Variants in MPDZ observed in about 807,000 individuals in gnomAD.
MPDZ encodes the protein multiple PDZ domain crumbs cell polarity complex component.
MPDZ carries 234 observed loss-of-function variants against 239.1 expected under a neutral mutation model. The ratio of observed to expected loss-of-function variants is 0.98; its 90% confidence interval spans 0.88 to 1.09. The LOEUF is 1.09. Among genes scored for constraint, MPDZ ranks in the 50% least tolerant of loss-of-function variants. The pLI, the probability that MPDZ is intolerant of heterozygous loss-of-function variation, is 0.00. For synonymous variants in MPDZ, 1,048 were observed against 881.3 expected (o/e 1.19, Z -3.35); for missense variants, 3,175 against 2,510.0 (o/e 1.26, Z -5.66).
At chr9:13,181,962 G>C (rs956990236) in intron 19 of MPDZ, among the ~76,000 whole-genome samples, 7 of 152,084 alleles carry the variant, frequency 4.6e-5, no homozygotes, top group Non-Finnish European at 5.9e-5. Flanking sequence ...GGTGTGGTGA[G>C]AGAGGAGCAG....
chr9:13,260,231 A>C (rs978107638), intron 1 of MPDZ, among the ~76,000 whole-genome samples: 2 of 152,158 alleles, frequency 1.3e-5, no homozygotes, highest in African/African-American at 2.4e-5. Context: ...ACATACAAAA[A>C]TCAAGAGAAG....
At chr9:13,183,097 C>G (rs994052016) in intron 19 of MPDZ, among the ~76,000 whole-genome samples, 14 of 152,124 alleles carry the variant, frequency 9.2e-5, no homozygotes, top group African/African-American at 3.1e-4. Flanking sequence ...TGTAATTTTT[C>G]CAAAGTATAC....
At position 13,138,053 on chromosome 9, in the gene MPDZ, T is replaced by C; in HGVS notation, c.4104A>G (p.Lys1368=). ...SGLGLSLAGN[K]DRSRMSVFIV... ...TGAAGACACTCATCCTGGATCGGTC[T>C]TTGTTCCCAGCAAGACTTAGGCCCA... The change falls in exon 29 of 47, where the codon AAA becomes AAG. Residue 1368 remains lysine, a synonymous_variant. Transcript: ENST00000319217. 6.2e-7 allele frequency: 1 copy of C among 1,613,890 alleles called. No homozygotes were observed. The highest frequency in any genetic ancestry group is 1.6e-4 in the Middle Eastern group (1 of 6,062).
chr9:13,136,168 A>G lies in MPDZ; in HGVS notation c.4307T>C (p.Val1436Ala), dbSNP rs931106596. ...TCCAGGACATACGGCCATCTGATTCACTGCATCTTTATTTCTAAAAGCAAA... is the reference window on the plus strand; with the variant it reads ...TCCAGGACATACGGCCATCTGATTCGCTGCATCTTTATTTCTAAAAGCAAA... ...KIIFIRNKDA[V>A]NQMAVCPGNA... is the part of the protein sequence containing the mutation. The change falls in exon 31 of 47, where the codon GTG becomes GCG. Residue 1436 changes from valine (V) to alanine (A), a missense_variant. Transcript: ENST00000319217. 2 of 1,611,772 alleles carry G rather than the reference A, an allele frequency of 1.2e-6. No individual in the cohort carries two copies. The highest frequency in any genetic ancestry group is 1.3e-5 in the African/African-American group (1 of 74,812).
At chr9:13,273,459 T>C (rs1037945548) in intron 1 of MPDZ, among the ~76,000 whole-genome samples, 7 of 152,160 alleles carry the variant, frequency 4.6e-5, no homozygotes, top group African/African-American at 7.2e-5. Context: ...GAGTACACAA[T>C]ATAAAGTTAC....
At chr9:13,204,967 C>T (rs1445162150) in intron 12 of MPDZ, 69 bp downstream of exon 12, 4 of 1,088,158 alleles carry the variant, frequency 3.7e-6, no homozygotes, top group East Asian at 6.1e-5. Flanking sequence ...GGCTTAATCA[C>T]ATTTGTAAAA....
At chr9:13,163,766 C>G (rs1164920824) in intron 22 of MPDZ, among the ~76,000 whole-genome samples, 2 of 152,004 alleles carry the variant, frequency 1.3e-5, no homozygotes, top group Non-Finnish European at 2.9e-5. Context: ...TATACAAAAC[C>G]TCAGCACTGG....
intron 45 of MPDZ, among the ~76,000 whole-genome samples, 161 bp downstream of exon 45, chr9:13,109,791 A>G (rs909694326): frequency 1.3e-5 from 2 of 152,206 alleles, no homozygotes; most frequent in African/African-American, 4.8e-5. Context: ...TGCCACAATT[A>G]TTTAAGTTTA....
intron 23 of MPDZ, among the ~76,000 whole-genome samples, chr9:13,162,211 C>T (rs1323459356): frequency 6.6e-6 from 1 of 150,882 alleles, no homozygotes; most frequent in Non-Finnish European, 1.5e-5. Flanking sequence ...CTGCAGTTAA[C>T]TGTAATGGCA....
intron 32 of MPDZ, among the ~76,000 whole-genome samples, chr9:13,127,072 C>T (rs1945229957): frequency 2.0e-5 from 3 of 152,212 alleles, no homozygotes; most frequent in Admixed American, 1.3e-4. Flanking sequence ...AATAATTCAA[C>T]CAAAACATTC....
At chr9:13,269,896 C>A (rs1475071215) in intron 1 of MPDZ, among the ~76,000 whole-genome samples, 1 of 152,164 alleles carries the variant, frequency 6.6e-6, no homozygotes, top group Non-Finnish European at 1.5e-5. Flanking sequence ...ATGAACCTAT[C>A]TGAACACGTA....
In MPDZ at chr9:13,138,033, A is replaced by G. The variant is rs754199176; in HGVS notation, c.4124T>C (p.Val1375Ala). 13 of 1,613,848 alleles carry G rather than the reference A, an allele frequency of 8.1e-6. No homozygotes were observed. In the South Asian group the frequency reaches 1.4e-4, roughly 18 times the overall value. The change falls in exon 29 of 47, where the codon GTC (valine) becomes GCC (alanine). Residue 1375 changes from valine (V) to alanine (A), a missense_variant. Coordinates refer to ENST00000319217, the MANE Select transcript of MPDZ (RefSeq NM_001378778.1). ...ATTTGGATCAATCCCCACTATGAAGACACTCATCCTGGATCGGTCTTTGTT... is the reference window on the plus strand; with the variant it reads ...ATTTGGATCAATCCCCACTATGAAGGCACTCATCCTGGATCGGTCTTTGTT... ...AGNKDRSRMS[V>A]FIVGIDPNGA...
intron 1 of MPDZ, among the ~76,000 whole-genome samples, chr9:13,269,303 T>C (rs1043574471): frequency 6.6e-6 from 1 of 152,204 alleles, no homozygotes; most frequent in African/African-American, 2.4e-5. Context: ...CTTTTGGACA[T>C]ACTGAGTTTG....
chr9:13,192,367 T>TA, intron 14 of MPDZ, 72 bp from the exon 15 acceptor site: 1 of 1,345,130 alleles, frequency 7.4e-7, no homozygotes, highest in Non-Finnish European at 1.0e-6. Context: ...ACAATTTTTT[T>TA]ATTAAATATA....
chr9:13,216,173 G>A (rs113163182), intron 10 of MPDZ, among the ~76,000 whole-genome samples: 5 of 151,396 alleles, frequency 3.3e-5, no homozygotes, highest in African/African-American at 7.3e-5. Context: ...TGGGGAGTCC[G>A]GTATCAACTG....
rs1952455877 is a variant in MPDZ, at chr9:13,176,141, C to A, written c.2926G>T (p.Gly976Ter). 1 of 1,588,752 alleles carries A rather than the reference C, an allele frequency of 6.3e-7. No homozygotes were observed. The highest frequency in any genetic ancestry group is 8.6e-7 in the Non-Finnish European group (1 of 1,166,026). Reference sequence around the variant, plus strand: ...CCATATCTTTAAAATATTACCTTTCCAGCTGAATCGGGTAGCACAGAAGGA... The same window carrying A: ...CCATATCTTTAAAATATTACCTTTCAAGCTGAATCGGGTAGCACAGAAGGA... ...ELPSVLPDSA[G>*]KGSEYLLEQS... The change falls in exon 20 of 47, where the codon GGA becomes TGA. Residue 976 changes from glycine to a stop codon, truncating the protein, a stop_gained. Coordinates refer to ENST00000319217, the MANE Select transcript of MPDZ (RefSeq NM_001378778.1). LOFTEE classifies it high-confidence loss of function.
chr9:13,197,194 G>A (rs1955761292), intron 12 of MPDZ, among the ~76,000 whole-genome samples: 1 of 151,284 alleles, frequency 6.6e-6, no homozygotes, highest in Non-Finnish European at 1.5e-5. Flanking sequence ...TTGAAGACTA[G>A]CCTCCCCAAA....
intron 39 of MPDZ, among the ~76,000 whole-genome samples, chr9:13,116,006 T>C (rs1433658752): frequency 7.1e-6 from 1 of 141,106 alleles, no homozygotes; most frequent in African/African-American, 2.6e-5. Flanking sequence ...TACCACCACC[T>C]CAGCAACTTG....
At chr9:13,221,299 C>T in intron 7 of MPDZ, 73 bp downstream of exon 7, 1 of 1,420,022 alleles carries the variant, frequency 7.0e-7, no homozygotes. Context: ...TTCTTCTTTC[C>T]AACAAAAAAA....
Sources: allele counts gnomAD v4.1 joint callset (sites outside exome capture counted in the v4.1 genomes callset), GRCh38; gene constraint gnomAD v4.1.1; transcripts MANE v1.5; gene names NCBI Gene and HGNC (gene_info 2026-07-23, HGNC 2026-07-21).